The following VXN variants were observed in gnomAD, a reference collection of about 807,000 sequenced individuals.
VXN encodes vexin.
A neutral mutation model predicts 23.1 loss-of-function variants in VXN; 7 were observed. The ratio of observed to expected loss-of-function variants is 0.30; its 90% CI spans 0.17 to 0.57. VXN has a LOEUF of 0.57. Ranked by LOEUF, VXN falls within the 20% of genes least tolerant of loss-of-function variation. The pLI is 0.91. For synonymous variants in VXN, 120 were observed against 105.8 expected (o/e 1.13, Z -0.83); for missense variants, 238 against 272.6 (o/e 0.87, Z 0.89).
intron 1 of VXN, chr8:66,494,612 G>A (rs1807605475): frequency 6.6e-6 from 1 of 152,226 alleles, no homozygotes; most frequent in African/African-American, 2.4e-5. Context: ...GGGGCAGGGA[G>A]AGATTCCGTT....
At position 66,493,770 on chromosome 8, in the gene VXN, G is replaced by C. The variant is rs753816249; in HGVS notation, c.70+52G>C. Reference sequence around the variant, plus strand: ...CCTTAACGTGGCATCTTAGGCAGGAGGGGAAGGACAGTCACGTGCTGCCTT... The same window carrying C: ...CCTTAACGTGGCATCTTAGGCAGGACGGGAAGGACAGTCACGTGCTGCCTT... On this transcript the variant is annotated intron_variant, in intron 1 of 5. Coordinates refer to ENST00000305454, the MANE Select transcript of VXN (RefSeq NM_152765.4). 1.0e-5 allele frequency: 15 copies of C among 1,460,864 alleles called. No individual in the cohort carries two copies. The South Asian group carries it at 1.7e-4, about 17-fold the overall frequency. 90.5% of individuals were successfully genotyped at this position (1,460,864 alleles called of 1,614,324 possible). A position where few individuals can be genotyped will look rare whatever the true frequency, so the allele number is the denominator to read the frequency against.
intron 2 of VXN, chr8:66,501,130 C>A (rs1317125593): frequency 6.6e-6 from 1 of 152,178 alleles, no homozygotes; most frequent in Non-Finnish European, 1.5e-5. Flanking sequence ...CCCGCCTCGA[C>A]CTCCCAAAGT....
chr8:66,496,191 T>C (rs1807624044), intron 1 of VXN, among the ~76,000 whole-genome samples: 1 of 152,238 alleles, frequency 6.6e-6, no homozygotes, highest in South Asian at 2.1e-4. Context: ...ATATTTTGTT[T>C]ATTCATTCAT....
At chr8:66,510,739 G>T (rs1371559239) in intron 4 of VXN, among the ~76,000 whole-genome samples, 1 of 152,158 alleles carries the variant, frequency 6.6e-6, no homozygotes, top group Non-Finnish European at 1.5e-5. Flanking sequence ...CTCACTGTGG[G>T]TTCACATGGC....
chr8:66,505,707 C>A (rs767228638), intron 3 of VXN, among the ~76,000 whole-genome samples, 179 bp downstream of exon 3: 2 of 152,280 alleles, frequency 1.3e-5, no homozygotes, highest in African/African-American at 4.8e-5. Flanking sequence ...CACCTGCTCT[C>A]AGGCCTCACC....
rs190957773 is a variant in VXN at position 66,515,852 on chromosome 8, G to A, written c.441-41G>A. On this transcript the variant is annotated intron_variant, in intron 5 of 5. Transcript: ENST00000305454. ...AGGGCAAAAATGAAGTTTGGCTTGT[G>A]AGCAGACCACCCTCCCCACCCACTC... 69 of 1,500,756 alleles carry A rather than the reference G, an allele frequency of 4.6e-5. No individual in the cohort carries two copies. In the African/African-American group the frequency reaches 8.4e-4, roughly 18 times the overall value. The allele number at this position is 1,500,756 out of a possible 1,614,324, so 93.0% of individuals were successfully genotyped here.
chr8:66,509,248 A>G (rs1245550631), intron 3 of VXN, among the ~76,000 whole-genome samples: 1 of 152,174 alleles, frequency 6.6e-6, no homozygotes, highest in Non-Finnish European at 1.5e-5. Context: ...TTGTCCTGGG[A>G]CATCTGCCCC....
At chr8:66,510,392 G>T in intron 4 of VXN, 1 of 477,616 alleles carries the variant, frequency 2.1e-6, no homozygotes, top group South Asian at 2.9e-5. Context: ...CCGCTCTTAG[G>T]CAAACAAAAG....
chr8:66,513,852 A>C (rs991021118), intron 5 of VXN: 1 of 508,482 alleles, frequency 2.0e-6, no homozygotes. Context: ...AGGGTTTTTC[A>C]TGGTTTCCAC....
At chr8:66,509,892 TATTTAGG>T (rs947521052) in intron 3 of VXN, among the ~76,000 whole-genome samples, 197 bp from the exon 4 acceptor site, 2 of 152,090 alleles carry the variant, frequency 1.3e-5, no homozygotes, top group African/African-American at 4.8e-5. Flanking sequence ...ACACTGATCT[TATTTAGG>T]CCTTAGTTCC....
chr8:66,503,685 C>G (rs899423845), intron 2 of VXN, among the ~76,000 whole-genome samples: 2 of 152,242 alleles, frequency 1.3e-5, no homozygotes, highest in Admixed American at 1.3e-4. Context: ...ATTCTCTAAT[C>G]TTGCTCCTAT....
intron 1 of VXN, chr8:66,494,953 T>C (rs1316626171): frequency 6.6e-6 from 1 of 152,258 alleles, no homozygotes; most frequent in Non-Finnish European, 1.5e-5. Context: ...ACTAGATGTA[T>C]GCCTGTGAAC....
chr8:66,496,624 C>T (rs928061939), intron 2 of VXN, 132 bp downstream of exon 2: 3 of 783,562 alleles, frequency 3.8e-6, no homozygotes, highest in Non-Finnish European at 6.4e-6. Context: ...GTGCGTGCTG[C>T]ACTCTCCGTT....
chr8:66,513,441 G>A (rs1807847996), intron 4 of VXN, 99 bp from the exon 5 acceptor site: 1 of 969,130 alleles, frequency 1.0e-6, no homozygotes, highest in Non-Finnish European at 1.7e-6. Flanking sequence ...CCAGGCGGTG[G>A]TGGTTCCATT....
intron 2 of VXN, among the ~76,000 whole-genome samples, chr8:66,502,476 A>G (rs759328821): frequency 5.9e-5 from 9 of 152,176 alleles, no homozygotes; most frequent in South Asian, 4.1e-4. Context: ...CGCCGTGCAC[A>G]GTGGCTCGCA....
At chr8:66,499,915 T>C (rs958995193) in intron 2 of VXN, among the ~76,000 whole-genome samples, 7 of 152,120 alleles carry the variant, frequency 4.6e-5, no homozygotes, top group African/African-American at 7.2e-5. Flanking sequence ...TTATTTTTCA[T>C]AGGGTTTTGT....
At position 66,502,849 on chromosome 8, in the gene VXN, TC is replaced by T. The variant is rs1807706540; in HGVS notation, c.127-2524del. ...CTATCTGGATGTAGGCTGTTCTTCTTCCTTTTTTTTTTTTTAAGATGGGGTC... is the reference window on the plus strand; with the variant it reads ...CTATCTGGATGTAGGCTGTTCTTCTTCTTTTTTTTTTTTTAAGATGGGGTC... On this transcript the variant is annotated intron_variant, in intron 2 of 5. Coordinates refer to ENST00000305454, the MANE Select transcript of VXN (RefSeq NM_152765.4). Among the ~76,000 whole-genome samples the T allele has an allele frequency of 1.4e-5, 2 of 143,732 alleles. 1 individual carries two copies. The highest frequency in any genetic ancestry group is 4.4e-4 in the South Asian group (2 of 4,532). The allele number at this position is 143,732 out of a possible 152,430, so 94.3% of individuals were successfully genotyped here.
At chr8:66,499,117 AT>A (rs1489783297) in intron 2 of VXN, among the ~76,000 whole-genome samples, 1 of 143,340 alleles carries the variant, frequency 7.0e-6, no homozygotes, top group Non-Finnish European at 1.5e-5. Flanking sequence ...AGCCACATTT[AT>A]TTTTTTATTT....
chr8:66,505,097 T>A, intron 2 of VXN: 1 of 553,444 alleles, frequency 1.8e-6, no homozygotes. Context: ...CTCCTGACCC[T>A]GTGAAGGGCC....
Sources: gnomAD v4.1 joint callset for allele counts (sites outside exome capture counted in the v4.1 genomes callset) on GRCh38, gnomAD v4.1.1 for gene constraint, MANE v1.5 for transcripts, NCBI Gene and HGNC (gene_info 2026-07-23, HGNC 2026-07-21) for gene names.